The following RALGAPA1 variants were observed in gnomAD, a reference collection of about 807,000 sequenced individuals.
RALGAPA1 encodes ral GTPase-activating protein subunit alpha-1.
RALGAPA1 carries 52 observed loss-of-function variants against 269.6 expected under a neutral mutation model. The ratio of observed to expected loss-of-function variants is 0.19; its 90% CI spans 0.15 to 0.24. The LOEUF (loss-of-function observed/expected upper bound fraction) is 0.24. RALGAPA1 is among the 10% of genes least tolerant of loss of function. The pLI is 1.00. For missense variants in RALGAPA1, 1,917 were observed against 3,013.9 expected (o/e 0.64, Z 8.52); for synonymous variants, 817 against 1,008.3 (o/e 0.81, Z 3.60).
At chr14:35,548,483 T>G (rs1456248145) in intron 41 of RALGAPA1, 25 bp downstream of exon 41, 1 of 1,528,112 alleles carries the variant, frequency 6.5e-7, no homozygotes, top group Non-Finnish European at 8.9e-7. Context: ...GAACAGAGGG[T>G]GTTTTGGTTG....
chr14:35,563,113 GAAT>G (rs2056422530), intron 39 of RALGAPA1, among the ~76,000 whole-genome samples: 1 of 145,664 alleles, frequency 6.9e-6, no homozygotes, highest in African/African-American at 2.5e-5. Context: ...GTTCTAATTA[GAAT>G]AAATTACTAG....
intron 12 of RALGAPA1, among the ~76,000 whole-genome samples, chr14:35,729,588 C>T (rs906027568): frequency 6.6e-6 from 1 of 151,998 alleles, no homozygotes; most frequent in Non-Finnish European, 1.5e-5. Flanking sequence ...ACGTTCCTGT[C>T]TAGGAGAATA....
At chr14:35,559,353 G>A (rs1257025099) in intron 39 of RALGAPA1, among the ~76,000 whole-genome samples, 2 of 152,074 alleles carry the variant, frequency 1.3e-5, no homozygotes, top group South Asian at 2.1e-4. Context: ...TTGAAATCCC[G>A]AAATAGCATC....
At chr14:35,758,870 T>C (rs1475731461) in intron 6 of RALGAPA1, among the ~76,000 whole-genome samples, 1 of 152,110 alleles carries the variant, frequency 6.6e-6, no homozygotes, top group Non-Finnish European at 1.5e-5. Flanking sequence ...TCCCAACATT[T>C]TGGGAGGTTA....
At chr14:35,796,811 C>T (rs530476465) in intron 1 of RALGAPA1, among the ~76,000 whole-genome samples, 9 of 150,450 alleles carry the variant, frequency 6.0e-5, no homozygotes, top group South Asian at 2.1e-4. Context: ...GATGGAGTCT[C>T]GCTCTGTTGC....
chr14:35,643,789 G>A (rs2139875096), intron 31 of RALGAPA1, among the ~76,000 whole-genome samples: 1 of 152,276 alleles, frequency 6.6e-6, no homozygotes, highest in Admixed American at 6.5e-5. Context: ...GGCACAGAAA[G>A]ACAAACATTG....
At chr14:35,622,420 GA>G (rs1452079060) in intron 35 of RALGAPA1, among the ~76,000 whole-genome samples, 1 of 152,190 alleles carries the variant, frequency 6.6e-6, no homozygotes, top group Non-Finnish European at 1.5e-5. Flanking sequence ...TGTAAATGAT[GA>G]GTTGATGGGT....
intron 39 of RALGAPA1, among the ~76,000 whole-genome samples, chr14:35,555,824 C>T (rs999171911): frequency 6.6e-6 from 1 of 152,174 alleles, no homozygotes; most frequent in Non-Finnish European, 1.5e-5. Flanking sequence ...GTCCAATGCT[C>T]TCTCTACATC....
intron 26 of RALGAPA1, 68 bp downstream of exon 26, chr14:35,671,321 T>G: frequency 7.2e-7 from 1 of 1,389,472 alleles, no homozygotes; most frequent in South Asian, 1.7e-5. Context: ...CTTGTTATGT[T>G]TTATCAACTT....
intron 21 of RALGAPA1, among the ~76,000 whole-genome samples, chr14:35,683,065 T>C (rs946896437): frequency 3.3e-5 from 5 of 152,078 alleles, no homozygotes; most frequent in African/African-American, 1.2e-4. Flanking sequence ...AATCACCCCA[T>C]GGATAATTAA....
chr14:35,689,569 T>G lies in RALGAPA1; in HGVS notation c.2842A>C (p.Lys948Gln). The change falls in exon 18 of 42, where the codon AAG becomes CAG. Residue 948 changes from lysine to glutamine, a missense_variant. By Grantham distance (53) the Lys-to-Gln change is moderately conservative (BLOSUM62 1). Around this residue, in one of 11 missense-constraint regions of RALGAPA1, gnomAD observed 615 missense variants for 790.0 expected, o/e 0.78. Transcript: ENST00000680220. ...DLLSTLKEYFKENQENHSKNE... is the reference protein window; with the variant it reads ...DLLSTLKEYFQENQENHSKNE... ...TTACTATGATTTTCCTGGTTTTCCTTAAAATATTCTTTCAGGGTGGAAAGA... is the reference window on the plus strand; with the variant it reads ...TTACTATGATTTTCCTGGTTTTCCTGAAAATATTCTTTCAGGGTGGAAAGA... The G allele has an allele frequency of 8.1e-7, 1 of 1,241,744 alleles. No individual in the cohort carries two copies. Among genetic ancestry groups the G allele is most frequent in the Non-Finnish European group, 1.0e-6 (1 of 994,564 alleles). The allele number at this position is 1,241,744 out of a possible 1,614,324, so 76.9% of individuals were successfully genotyped here.
rs1254310069 is a variant in RALGAPA1, at chr14:35,538,859, G to A, written c.*855C>T. 1 of 144,716 alleles carries A rather than the reference G, an allele frequency of 6.9e-6. No homozygotes were observed. Among genetic ancestry groups the A allele is most frequent in the Admixed American group, 7.1e-5 (1 of 14,162 alleles). The allele number at this position is 144,716 out of a possible 1,614,324, so 9.0% of individuals were successfully genotyped here. ...ATTTAACAGTGATACCACTTGAAATGCAAAACATTAGAAAAATACTTGGAA... is the reference window on the plus strand; with the variant it reads ...ATTTAACAGTGATACCACTTGAAATACAAAACATTAGAAAAATACTTGGAA... On this transcript the variant is annotated 3_prime_UTR_variant, in exon 42 of 42. Transcript: ENST00000680220.
chr14:35,562,534 CT>C (rs1472943873), intron 39 of RALGAPA1, among the ~76,000 whole-genome samples: 1 of 151,996 alleles, frequency 6.6e-6, no homozygotes, highest in Non-Finnish European at 1.5e-5. Flanking sequence ...AAATATACTA[CT>C]GATTAAGTAG....
chr14:35,600,936 A>G (rs1315381488), intron 36 of RALGAPA1, among the ~76,000 whole-genome samples: 1 of 152,124 alleles, frequency 6.6e-6, no homozygotes, highest in Non-Finnish European at 1.5e-5. Flanking sequence ...TTCCTGTTTT[A>G]GCTGGTTGTT....
intron 37 of RALGAPA1, among the ~76,000 whole-genome samples, chr14:35,595,101 A>C (rs933237829): frequency 6.6e-6 from 1 of 152,094 alleles, no homozygotes; most frequent in African/African-American, 2.4e-5. Flanking sequence ...AAAAAAAACA[A>C]AGGAGAAAAT....
chr14:35,654,189 T>C (rs1035921340), intron 30 of RALGAPA1, among the ~76,000 whole-genome samples, 178 bp downstream of exon 30: 3 of 152,124 alleles, frequency 2.0e-5, no homozygotes, highest in African/African-American at 7.2e-5. Flanking sequence ...AATGCAATCT[T>C]CTAACATAAA....
chr14:35,683,783 A>G (rs1231559865), intron 21 of RALGAPA1, 26 bp downstream of exon 21: 2 of 1,529,814 alleles, frequency 1.3e-6, no homozygotes, highest in South Asian at 1.3e-5. Flanking sequence ...TACATTTAAG[A>G]AACACATTCC....
chr14:35,689,085 A>G lies in RALGAPA1; in HGVS notation c.3326T>C (p.Val1109Ala). Residue 1109 changes from valine (V) to alanine (A), a missense_variant, in exon 18 of 42, where the codon GTT becomes GCT. By Grantham distance (64) the Val-to-Ala change is moderately conservative. Around this residue, in one of 11 missense-constraint regions of RALGAPA1, gnomAD observed 615 missense variants for 790.0 expected, o/e 0.78. Coordinates refer to ENST00000680220, the MANE Select transcript of RALGAPA1 (RefSeq NM_001346249.2). ...RAKKATLKAP[V>A]NRRMPHVTST... ...TGTAACATGAGGCATTCTGCGGTTA[A>G]CAGGTGCTTTTAGTGTTGCTTTCTT... 8.1e-7 allele frequency: 1 copy of G among 1,236,360 alleles called. No individual in the cohort carries two copies. Among genetic ancestry groups the G allele is most frequent in the Non-Finnish European group, 1.0e-6 (1 of 990,464 alleles). The allele number at this position is 1,236,360 out of a possible 1,614,324, so 76.6% of individuals were successfully genotyped here.
At chr14:35,742,329 T>C (rs763776347) in intron 11 of RALGAPA1, 39 bp downstream of exon 11, 17 of 1,391,314 alleles carry the variant, frequency 1.2e-5, no homozygotes, top group Admixed American at 4.2e-5. Context: ...TCTTAATCTA[T>C]TAGACTAACA....
Sources: gnomAD v4.1 joint callset for allele counts (sites outside exome capture counted in the v4.1 genomes callset) on GRCh38, gnomAD v4.1.1 for gene constraint, gnomAD v4.1.1 regional missense constraint, MANE v1.5 for transcripts, NCBI Gene and HGNC (gene_info 2026-07-23, HGNC 2026-07-21) for gene names.